Variants in USP31 observed in about 807,000 individuals in gnomAD.
USP31 encodes ubiquitin specific peptidase 31, also known as ubiquitin carboxyl-terminal hydrolase 31.
In USP31, 44 loss-of-function variants were observed where a neutral mutation model predicts 119.4. That is an observed-to-expected ratio of 0.37 (90% confidence interval 0.29 to 0.47). USP31 has a LOEUF of 0.47. USP31 is among the 20% of genes least tolerant of loss of function. The pLI, the probability that USP31 is intolerant of heterozygous loss-of-function variation, is 0.99. For synonymous variants in USP31, 749 were observed against 705.6 expected (o/e 1.06, Z -0.97); for missense variants, 1,643 against 1,730.2 (o/e 0.95, Z 0.89).
chr16:23,133,150 C>T (rs138532301), intron 1 of USP31, among the ~76,000 whole-genome samples: 19 of 152,258 alleles, frequency 1.2e-4, no homozygotes, highest in African/African-American at 4.6e-4. Flanking sequence ...ACAACCTGCT[C>T]ATAAATCCTG....
At chr16:23,093,557 T>C (rs1483954427) in intron 6 of USP31, among the ~76,000 whole-genome samples, 5 of 152,156 alleles carry the variant, frequency 3.3e-5, no homozygotes, top group Admixed American at 1.3e-4. Context: ...GTGGAGAAAT[T>C]AGAACTCTCA....
chr16:23,118,194 CT>C (rs1449693365), intron 1 of USP31, among the ~76,000 whole-genome samples: 2 of 152,088 alleles, frequency 1.3e-5, no homozygotes, highest in African/African-American at 4.8e-5. Flanking sequence ...TACTGTAAGG[CT>C]TTAATGAGAT....
chr16:23,132,603 C>A (rs987491892), intron 1 of USP31, among the ~76,000 whole-genome samples: 1 of 152,178 alleles, frequency 6.6e-6, no homozygotes, highest in Non-Finnish European at 1.5e-5. Flanking sequence ...CAGCTGTTAT[C>A]TTGATTTAAG....
rs767579511 is a variant in USP31 at position 23,106,468 on chromosome 16, A to G, written c.791T>C (p.Met264Thr). The G allele has an allele frequency of 2.4e-5, 38 of 1,613,136 alleles. No homozygotes were observed. Among genetic ancestry groups the G allele is most frequent in the Admixed American group, 8.4e-5 (5 of 59,876 alleles). ...AGGGAAAGATGGTCCCTCAGGCATCATATCAGTCTCTGATGGTGGCTAAAA... is the reference window on the plus strand; with the variant it reads ...AGGGAAAGATGGTCCCTCAGGCATCGTATCAGTCTCTGATGGTGGCTAAAA... The part of the protein sequence containing the change: ...PPLKPPSETD[M>T]MPEGPSFPVC... The change falls in exon 3 of 16, where the codon ATG (methionine) becomes ACG (threonine). Residue 264 changes from methionine (M) to threonine (T), a missense_variant. By Grantham distance (81) the Met-to-Thr change is moderately conservative. Transcript: ENST00000219689.
intron 13 of USP31, chr16:23,079,065 G>GA (rs963711566): frequency 2.6e-5 from 4 of 152,162 alleles, no homozygotes; most frequent in African/African-American, 9.7e-5. Flanking sequence ...TGAAGGGAGA[G>GA]AAAATGGGAA....
rs1415953131 is a variant in USP31, at chr16:23,067,001, C to T, written c.*1045G>A. 6.6e-6 allele frequency: 1 copy of T among 152,228 alleles called. No homozygotes were observed. 9.4% of individuals were successfully genotyped at this position (152,228 alleles called of 1,614,324 possible). On this transcript the variant is annotated 3_prime_UTR_variant, in exon 16 of 16. Coordinates refer to ENST00000219689, the MANE Select transcript of USP31 (RefSeq NM_020718.4). ...ACCATTGGCTTTTGGCAGAAGGCAA[C>T]TTCTTTCCTCTCCAAGCTACAAGAT...
chr16:23,076,288 TAA>T (rs766668376), intron 13 of USP31, among the ~76,000 whole-genome samples: 66 of 130,032 alleles, frequency 5.1e-4, no homozygotes, highest in African/African-American at 4.8e-4. Context: ...AAGTTGATGT[TAA>T]AAAAAAAAAA....
intron 1 of USP31, 134 bp downstream of exon 1, chr16:23,148,504 G>T: frequency 8.1e-7 from 1 of 1,227,844 alleles, no homozygotes; most frequent in South Asian, 2.1e-5. Context: ...ATCACTGGTC[G>T]ACTGCCCAGA....
intron 13 of USP31, among the ~76,000 whole-genome samples, chr16:23,078,210 G>T (rs1900665063): frequency 6.6e-6 from 1 of 151,150 alleles, no homozygotes; most frequent in Admixed American, 6.6e-5. Context: ...TACTCGGGAG[G>T]CTGAGGCAGG....
chr16:23,143,369 T>C (rs1467959332), intron 1 of USP31, among the ~76,000 whole-genome samples: 2 of 152,224 alleles, frequency 1.3e-5, no homozygotes, highest in Non-Finnish European at 2.9e-5. Flanking sequence ...AGAAAGCATT[T>C]GTAAGAATCT....
chr16:23,136,242 T>C (rs1903186284), intron 1 of USP31, among the ~76,000 whole-genome samples: 1 of 152,142 alleles, frequency 6.6e-6, no homozygotes, highest in Non-Finnish European at 1.5e-5. Context: ...ACTAAAACTA[T>C]AAAACTCTCA....
chr16:23,115,168 C>T (rs1158926671), intron 1 of USP31, among the ~76,000 whole-genome samples: 1 of 152,156 alleles, frequency 6.6e-6, no homozygotes, highest in African/African-American at 2.4e-5. Flanking sequence ...ATCTGGTATA[C>T]GTTTTTGGTC....
In USP31 at chr16:23,108,120, G is replaced by A; in HGVS notation, c.697C>T (p.Leu233=). 1 of 1,613,982 alleles carries A rather than the reference G, an allele frequency of 6.2e-7. No individual in the cohort carries two copies. Among genetic ancestry groups the A allele is most frequent in the Non-Finnish European group, 8.5e-7 (1 of 1,179,942 alleles). Residue 233 remains leucine, a synonymous_variant, in exon 2 of 16, where the codon CTG becomes TTG. Coordinates refer to ENST00000219689, the MANE Select transcript of USP31 (RefSeq NM_020718.4). Reference sequence around the variant, plus strand: ...TGAACTCGGTCCAAAAGCCACAGCAGAAACTCCTGGGCATCATGTTGGGAA... The same window carrying A: ...TGAACTCGGTCCAAAAGCCACAGCAAAAACTCCTGGGCATCATGTTGGGAA... ...GNSQHDAQEF[L]LWLLDRVHED...
chr16:23,079,014 G>T (rs1241190977), intron 13 of USP31: 1 of 152,178 alleles, frequency 6.6e-6, no homozygotes, highest in Non-Finnish European at 1.5e-5. Context: ...ACCAAGAGTA[G>T]TCAAATTCAC....
chr16:23,082,829 C>CTATTT (rs1388989158), intron 11 of USP31, among the ~76,000 whole-genome samples: 1 of 116,382 alleles, frequency 8.6e-6, no homozygotes, highest in Non-Finnish European at 1.9e-5. Context: ...TTCTTTCTCT[C>CTATTT]TCTTTTTTTT....
intron 8 of USP31, 116 bp from the exon 9 acceptor site, chr16:23,087,302 T>C: frequency 1.2e-6 from 1 of 853,112 alleles, no homozygotes; most frequent in South Asian, 1.7e-5. Flanking sequence ...TGCAAAATGC[T>C]TCACTATAAG....
At position 23,101,595 on chromosome 16, in the gene USP31, G is replaced by A. The variant is rs184551565; in HGVS notation, c.1234+724C>T. ...GTTTACCAGAGTTTCTCCTTTACTC[G>A]GTGTGGAGTAGGGACCAAGAATTTG... On this transcript the variant is annotated intron_variant, in intron 6 of 15. Coordinates refer to ENST00000219689, the MANE Select transcript of USP31 (RefSeq NM_020718.4). Among the ~76,000 whole-genome samples the A allele has an allele frequency of 4.6e-5, 7 of 152,158 alleles. No homozygotes were observed. The East Asian group carries it at 7.7e-4, about 17-fold the overall frequency.
chr16:23,139,930 A>T (rs1903304847), intron 1 of USP31, among the ~76,000 whole-genome samples: 1 of 152,078 alleles, frequency 6.6e-6, no homozygotes, highest in Admixed American at 6.5e-5. Flanking sequence ...TATTCCCTTT[A>T]CCACTACGCC....
Position 23,068,117 on chromosome 16 carries a change from C to T in USP31, c.3988G>A (p.Ala1330Thr), listed in dbSNP as rs1056712296. Residue 1330 changes from alanine (A) to threonine (T), a missense_variant, in exon 16 of 16, where the codon GCA (alanine) becomes ACA (threonine). Coordinates refer to ENST00000219689, the MANE Select transcript of USP31 (RefSeq NM_020718.4). ...GATAACTTTTTTGAGGATTTCTCTGCAGACTGCCTGCCACCCGGAGACGAG... is the reference window on the plus strand; with the variant it reads ...GATAACTTTTTTGAGGATTTCTCTGTAGACTGCCTGCCACCCGGAGACGAG... The part of the protein sequence containing the change: ...VPSSPGGRQS[A>T]EKSSKKLSSS... 1 of 1,614,188 alleles carries T rather than the reference C, an allele frequency of 6.2e-7. No individual in the cohort carries two copies. The highest frequency in any genetic ancestry group is 8.5e-7 in the Non-Finnish European group (1 of 1,180,042).
Sources: gnomAD v4.1 joint callset for allele counts (sites outside exome capture counted in the v4.1 genomes callset) on GRCh38, gnomAD v4.1.1 for gene constraint, MANE v1.5 for transcripts, NCBI Gene and HGNC (gene_info 2026-07-23, HGNC 2026-07-21) for gene names.